PDE4B: variants seen among roughly 807,000 people sequenced by gnomAD.
PDE4B encodes 3',5'-cyclic-AMP phosphodiesterase 4B.
Under a neutral mutation model 82.2 loss-of-function variants are expected in PDE4B, and 20 were observed. The observed-to-expected ratio is 0.24, with a 90% CI of 0.17 to 0.35. The LOEUF is 0.35. Among genes scored for constraint, PDE4B ranks in the 10% least tolerant of loss-of-function variants. PDE4B has a pLI of 1.00. For synonymous variants in PDE4B, 320 were observed against 318.9 expected (o/e 1.00, Z -0.04); for missense variants, 655 against 907.2 (o/e 0.72, Z 3.57).
At chr1:66,175,134 G>A (rs1367938527) in intron 3 of PDE4B, among the ~76,000 whole-genome samples, 1 of 152,192 alleles carries the variant, frequency 6.6e-6, no homozygotes, top group Non-Finnish European at 1.5e-5. Context: ...GGGGCACAGA[G>A]CCAAACCATA....
chr1:66,011,404 C>G (rs1652480093), intron 3 of PDE4B, among the ~76,000 whole-genome samples: 1 of 152,036 alleles, frequency 6.6e-6, no homozygotes, highest in African/African-American at 2.4e-5. Flanking sequence ...AAAGGACACT[C>G]ATAAAGTAAC....
intron 3 of PDE4B, among the ~76,000 whole-genome samples, chr1:65,965,568 A>G (rs1291126115): frequency 6.6e-6 from 1 of 151,884 alleles, no homozygotes; most frequent in East Asian, 1.9e-4. Flanking sequence ...GAAATCCAAG[A>G]CTTAACATTT....
intron 1 of PDE4B, among the ~76,000 whole-genome samples, chr1:65,793,818 AGT>A (rs1336788593): frequency 2.0e-5 from 3 of 152,114 alleles, no homozygotes; most frequent in Admixed American, 6.5e-5. Context: ...TAGCTACAAG[AGT>A]GTGTTGGGGA....
intron 3 of PDE4B, among the ~76,000 whole-genome samples, chr1:66,054,088 G>A (rs1346765473): frequency 6.6e-6 from 1 of 152,120 alleles, no homozygotes; most frequent in Non-Finnish European, 1.5e-5. Flanking sequence ...GCAGAAGGCG[G>A]TGGATCCAGG....
chr1:66,286,570 C>T (rs890876501), intron 7 of PDE4B, among the ~76,000 whole-genome samples: 1 of 152,142 alleles, frequency 6.6e-6, no homozygotes, highest in African/African-American at 2.4e-5. Flanking sequence ...GCTCTGTATA[C>T]ATTTGGGTTG....
At position 65,856,193 on chromosome 1, in the gene PDE4B, T is replaced by C. The variant is rs138989362; in HGVS notation, c.-70-57052T>C. 5.0e-3 allele frequency among the ~76,000 whole-genome samples: 767 copies of C among 152,224 alleles called. 9 individuals are homozygous for C. The highest frequency in any genetic ancestry group is 0.017 in the African/African-American group (723 of 41,546). On this transcript the variant is annotated intron_variant, in intron 1 of 16. Coordinates refer to ENST00000341517, the MANE Select transcript of PDE4B (RefSeq NM_002600.4). ...CAATCAATGTGCAAGGAGATAGAGT[T>C]TTTTAAATTATTTTACTTTAAGTTC...
rs72513051 is a variant in PDE4B at position 66,081,807 on chromosome 1, ACTCTCTCTCTCTCT to A, written c.281+162985_281+162998del. 5.7e-4 allele frequency among the ~76,000 whole-genome samples: 80 copies of A among 140,948 alleles called. 2 individuals carry two copies. In the South Asian group the frequency reaches 0.013, roughly 22 times the overall value. The allele number at this position is 140,948 out of a possible 152,430, so 92.5% of individuals were successfully genotyped here. A position where few individuals can be genotyped will look rare whatever the true frequency, so the allele number is the denominator to read the frequency against. ...ATTCTACACGGGAGTGAAAAGTAAA[ACTCTCTCTCTCTCT>A]CTCTCTCTCTCTGTGTGTGTGTGTG... On this transcript the variant is annotated intron_variant, in intron 3 of 16. Transcript: ENST00000341517.
intron 3 of PDE4B, among the ~76,000 whole-genome samples, chr1:66,138,854 C>T (rs1012718301): frequency 6.6e-6 from 1 of 152,154 alleles, no homozygotes; most frequent in East Asian, 1.9e-4. Context: ...AAGCTATAAC[C>T]TTTCCAGCCA....
intron 9 of PDE4B, 144 bp downstream of exon 9, chr1:66,355,764 C>A: frequency 8.2e-6 from 4 of 487,774 alleles, no homozygotes; most frequent in Non-Finnish European, 1.1e-5. Flanking sequence ...TAAGGCCAGT[C>A]TTCAAAAGAA....
At chr1:65,970,303 A>G (rs533135591) in intron 3 of PDE4B, among the ~76,000 whole-genome samples, 92 of 152,256 alleles carry the variant, frequency 6.0e-4, no homozygotes, top group African/African-American at 2.0e-3. Flanking sequence ...TACAAACCTA[A>G]AAATGGGAAA....
intron 3 of PDE4B, among the ~76,000 whole-genome samples, chr1:65,926,432 C>T (rs1647505703): frequency 6.6e-6 from 1 of 152,144 alleles, no homozygotes. Flanking sequence ...CATTCTTAAA[C>T]TGAAGCTTCT....
chr1:66,216,094 C>A (rs534486614), intron 3 of PDE4B, among the ~76,000 whole-genome samples: 2 of 152,056 alleles, frequency 1.3e-5, no homozygotes, highest in Middle Eastern at 3.4e-3. Context: ...TTGACTGGAC[C>A]ACTGGGTGCC....
intron 3 of PDE4B, among the ~76,000 whole-genome samples, chr1:66,209,184 G>T (rs1649815310): frequency 6.6e-6 from 1 of 152,198 alleles, no homozygotes; most frequent in African/African-American, 2.4e-5. Flanking sequence ...GCAAGGAATT[G>T]CTAATATCTG....
chr1:66,162,305 CTTTTTTTTTTTTTTTTTTT>C (rs1168144080), intron 3 of PDE4B, among the ~76,000 whole-genome samples: 1 of 40,288 alleles, frequency 2.5e-5, no homozygotes, highest in East Asian at 8.8e-4. Flanking sequence ...ATGGACTTCT[CTTTTTTTTTTTTTTTTTTT>C]TTTTTTTTTG....
chr1:66,120,396 G>A (rs1645685799), intron 3 of PDE4B, among the ~76,000 whole-genome samples: 1 of 152,116 alleles, frequency 6.6e-6, no homozygotes, highest in South Asian at 2.1e-4. Context: ...CTGCCCAGTA[G>A]TGATGTCAAG....
At chr1:66,127,354 A>G (rs1486105993) in intron 3 of PDE4B, among the ~76,000 whole-genome samples, 2 of 152,172 alleles carry the variant, frequency 1.3e-5, no homozygotes, top group African/African-American at 2.4e-5. Flanking sequence ...GATGTAAATA[A>G]TTGTCTTTAC....
chr1:66,027,376 CT>C (rs1653504508), intron 3 of PDE4B, among the ~76,000 whole-genome samples: 1 of 152,190 alleles, frequency 6.6e-6, no homozygotes, highest in African/African-American at 2.4e-5. Context: ...TTACCTCCCC[CT>C]GGGTCCCTCC....
rs1257711391 is a variant in PDE4B, at chr1:66,368,823, A to G, written c.1699A>G (p.Asn567Asp). The change falls in exon 16 of 17, where the codon AAC (asparagine) becomes GAC (aspartate). Residue 567 changes from asparagine (N) to aspartate (D), a missense_variant. By Grantham distance (23) the Asn-to-Asp change is conservative (BLOSUM62 1). This residue lies in a region of PDE4B where 283 missense variants were observed against 516.4 expected (regional missense o/e 0.55). Coordinates refer to ENST00000341517, the MANE Select transcript of PDE4B (RefSeq NM_002600.4). ...RNMVHCADLS[N>D]PTKSLELYRQ... ...CATGGTACACTGTGCAGACCTGAGC[A>G]ACCCCACCAAGTCCTTGGAATTGTA... is the stretch of plus-strand genomic sequence containing the variant. The G allele has an allele frequency of 6.2e-7, 1 of 1,612,338 alleles. No homozygotes were observed. Among genetic ancestry groups the G allele is most frequent in the Non-Finnish European group, 8.5e-7 (1 of 1,179,072 alleles).
chr1:66,114,632 A>AT (rs139293880), intron 3 of PDE4B, among the ~76,000 whole-genome samples: 12,456 of 132,356 alleles, frequency 0.094, 822 homozygotes, highest in African/African-American at 0.15. Flanking sequence ...GTAGCCCACA[A>AT]TTTTTTTTTT....
Sources: allele counts gnomAD v4.1 joint callset (sites outside exome capture counted in the v4.1 genomes callset), GRCh38; gene constraint gnomAD v4.1.1; regional missense constraint gnomAD v4.1.1; transcripts MANE v1.5; gene names NCBI Gene and HGNC (gene_info 2026-07-23, HGNC 2026-07-21).